Variants in FOXN3 observed in about 807,000 individuals in gnomAD.
The protein encoded by FOXN3 is forkhead box N3.
In FOXN3, 7 loss-of-function variants were observed where a neutral mutation model predicts 38.4. The ratio of observed to expected loss-of-function variants is 0.18; its 90% CI spans 0.10 to 0.34. The LOEUF (loss-of-function observed/expected upper bound fraction) is 0.34, where lower values mean the gene tolerates loss of function less well. Among genes scored for constraint, FOXN3 ranks in the 10% least tolerant of loss-of-function variants. The pLI is 1.00. For missense variants in FOXN3, 456 were observed against 613.4 expected (o/e 0.74, Z 2.71); for synonymous variants, 230 against 242.2 (o/e 0.95, Z 0.47).
chr14:89,305,455 C>CTG (rs1596169478), intron 3 of FOXN3, among the ~76,000 whole-genome samples: 2 of 152,320 alleles, frequency 1.3e-5, no homozygotes, highest in East Asian at 3.8e-4. Flanking sequence ...TAAATTTGAG[C>CTG]AGCACACTGA....
At chr14:89,531,789 C>T (rs910978870) in intron 1 of FOXN3, among the ~76,000 whole-genome samples, 5 of 131,342 alleles carry the variant, frequency 3.8e-5, no homozygotes, top group South Asian at 2.6e-4. Flanking sequence ...AAGACTTAAA[C>T]GCCAGTGGTT....
intron 1 of FOXN3, among the ~76,000 whole-genome samples, chr14:89,509,888 A>T (rs1223339022): frequency 1.3e-5 from 2 of 152,244 alleles, no homozygotes; most frequent in East Asian, 1.9e-4. Context: ...AAAATGACCC[A>T]TTGTGGCAGA....
At chr14:89,601,023 A>C (rs1391527485) in intron 1 of FOXN3, among the ~76,000 whole-genome samples, 3 of 152,206 alleles carry the variant, frequency 2.0e-5, no homozygotes, top group Non-Finnish European at 4.4e-5. Flanking sequence ...TGAGAGAGCT[A>C]GATTTGCCTC....
chr14:89,215,797 TGGC>T (rs1346060695), intron 4 of FOXN3, among the ~76,000 whole-genome samples: 1 of 152,096 alleles, frequency 6.6e-6, no homozygotes. Context: ...TTCCTGCGTC[TGGC>T]GGCGGCGGCA....
chr14:89,347,725 G>A (rs1449462740), intron 3 of FOXN3, among the ~76,000 whole-genome samples: 9 of 152,148 alleles, frequency 5.9e-5, no homozygotes, highest in Admixed American at 3.3e-4. Flanking sequence ...AGGCCGAGGC[G>A]GGCGGATCAT....
rs749243978 is a variant in FOXN3, at chr14:89,484,675, C to T, written c.-14-72185G>A. 3.3e-5 allele frequency among the ~76,000 whole-genome samples: 5 copies of T among 152,174 alleles called. No individual in the cohort carries two copies. Among genetic ancestry groups the T allele is most frequent in the Non-Finnish European group, 4.4e-5 (3 of 68,026 alleles). On this transcript the variant is annotated intron_variant, in intron 1 of 6. Coordinates refer to the FOXN3 transcript ENST00000345097. This position sits in a 1 kb window ranked among gnomAD's most constrained non-coding sequence, Gnocchi z 4.0. ...CTGCAGTGGGAGGAGAACACAAATA[C>T]TGCTATTCTAGTTCTTCCGCTTCCT... is the stretch of plus-strand genomic sequence containing the variant.
At chr14:89,467,804 GTTTTTTTTTT>G (rs68132432) in intron 1 of FOXN3, among the ~76,000 whole-genome samples, 5 of 56,578 alleles carry the variant, frequency 8.8e-5, no homozygotes, top group Non-Finnish European at 1.5e-4. Context: ...TTCTTTCTTT[GTTTTTTTTTT>G]TTTTTTTTTT....
At chr14:89,578,949 G>A (rs1895689323) in intron 1 of FOXN3, among the ~76,000 whole-genome samples, 1 of 152,182 alleles carries the variant, frequency 6.6e-6, no homozygotes, top group African/African-American at 2.4e-5. Context: ...CTGGGCCTAA[G>A]TGACCCTCTC....
chr14:89,250,444 T>C (rs773613469), intron 4 of FOXN3, among the ~76,000 whole-genome samples: 1 of 152,202 alleles, frequency 6.6e-6, no homozygotes, highest in Admixed American at 6.5e-5. Flanking sequence ...CATAAACATA[T>C]AAGAATATCA....
rs1392863133 is a variant in FOXN3 at position 89,239,230 on chromosome 14, C to A, written c.745+41720G>T. 2.0e-5 allele frequency among the ~76,000 whole-genome samples: 3 copies of A among 152,166 alleles called. No individual in the cohort carries two copies. The East Asian group carries it at 5.8e-4, about 29-fold the overall frequency. ...AATTTTCCTAGTTGTAAATAACCAG[C>A]AGTTTTGTGGGAATCAATTAGGAGG... On this transcript the variant is annotated intron_variant, in intron 4 of 5. Transcript: ENST00000557258.
chr14:89,292,801 G>A (rs1212842174), intron 3 of FOXN3, among the ~76,000 whole-genome samples: 4 of 152,188 alleles, frequency 2.6e-5, no homozygotes, highest in East Asian at 1.9e-4. Context: ...TAAGACGAGC[G>A]GTCACTGCCC....
intron 1 of FOXN3, among the ~76,000 whole-genome samples, chr14:89,491,038 G>T (rs1020023793): frequency 6.6e-6 from 1 of 152,076 alleles, no homozygotes; most frequent in Non-Finnish European, 1.5e-5. Flanking sequence ...GCAATGGCAC[G>T]ATCTCGGCTC....
intron 3 of FOXN3, among the ~76,000 whole-genome samples, chr14:89,337,648 TGAGACG>T (rs1888504192): frequency 6.6e-6 from 1 of 151,468 alleles, no homozygotes. Flanking sequence ...TTTTTTTTTT[TGAGACG>T]GAGTCTTGCT....
chr14:89,376,180 G>A (rs1280801987), intron 2 of FOXN3, among the ~76,000 whole-genome samples: 1 of 152,196 alleles, frequency 6.6e-6, no homozygotes, highest in Non-Finnish European at 1.5e-5. Context: ...AGTGTAAGAT[G>A]AGTCCAGAAC....
At chr14:89,294,123 T>C (rs1053256511) in intron 3 of FOXN3, among the ~76,000 whole-genome samples, 6 of 152,110 alleles carry the variant, frequency 3.9e-5, no homozygotes, top group Non-Finnish European at 5.9e-5. Flanking sequence ...TTCCTTTCTG[T>C]TTCTACTCCC....
chr14:89,382,505 T>C (rs1037049763), intron 2 of FOXN3, among the ~76,000 whole-genome samples: 1 of 152,162 alleles, frequency 6.6e-6, no homozygotes, highest in African/African-American at 2.4e-5. Flanking sequence ...TTCTACAAGT[T>C]TTCTCTCCAA....
At chr14:89,477,835 A>G (rs1893242079) in intron 1 of FOXN3, among the ~76,000 whole-genome samples, 2 of 152,060 alleles carry the variant, frequency 1.3e-5, no homozygotes, top group Admixed American at 1.3e-4. Context: ...TCAATTTTTT[A>G]TGGCAATCGT....
chr14:89,212,174 C>T (rs1455925430), intron 4 of FOXN3, among the ~76,000 whole-genome samples: 1 of 152,166 alleles, frequency 6.6e-6, no homozygotes. Context: ...GTTGTTTAAG[C>T]CACCTAGTCT....
intron 1 of FOXN3, among the ~76,000 whole-genome samples, chr14:89,559,107 C>T (rs1895192706): frequency 6.6e-6 from 1 of 151,984 alleles, no homozygotes; most frequent in African/African-American, 2.4e-5. Flanking sequence ...CACCGGTAAT[C>T]CCAGCACTTT....
Sources: gnomAD v4.1 joint callset for allele counts (sites outside exome capture counted in the v4.1 genomes callset) on GRCh38, gnomAD v4.1.1 for gene constraint, Gnocchi (gnomAD v3.1) non-coding constraint, MANE v1.5 for transcripts, NCBI Gene and HGNC (gene_info 2026-07-23, HGNC 2026-07-21) for gene names.